The following PDE11A variants were observed in gnomAD, a reference collection of about 807,000 sequenced individuals.
PDE11A encodes dual 3',5'-cyclic-AMP and -GMP phosphodiesterase 11A.
Under a neutral mutation model 100.5 loss-of-function variants are expected in PDE11A, and 100 were observed. The observed-to-expected ratio is 1.00, with a 90% CI of 0.85 to 1.18. The LOEUF is 1.18. Ranked by LOEUF, PDE11A falls within the 50% of genes most tolerant of loss-of-function variation. The pLI, the probability that PDE11A is intolerant of heterozygous loss-of-function variation, is 0.00. For missense variants in PDE11A, 1,141 were observed against 1,152.6 expected, an observed-to-expected ratio of 0.99 and a Z score of 0.15; for synonymous variants, 381 against 420.8, an observed-to-expected ratio of 0.91 and a Z score of 1.16.
Position 177,742,839 on chromosome 2 carries a change from TC to T in PDE11A, c.1789-14668del, listed in dbSNP as rs1254422199. On this transcript the variant is annotated intron_variant, in intron 10 of 19. Coordinates refer to ENST00000286063, the MANE Select transcript of PDE11A (RefSeq NM_016953.4). The stretch of plus-strand genomic sequence containing the variant: ...TGAAGAAAAGCTCCATTTCCAAAGG[TC>T]AGTAGAGGTAATGGAGGTTCTGACT... Among the ~76,000 whole-genome samples, 6 of 152,084 alleles carry T rather than the reference TC, an allele frequency of 3.9e-5. No homozygotes were observed. The East Asian group carries it at 1.2e-3, about 29-fold the overall frequency.
intron 6 of PDE11A, among the ~76,000 whole-genome samples, chr2:177,828,930 GA>G (rs1214172315): frequency 7.9e-5 from 12 of 152,060 alleles, no homozygotes; most frequent in Admixed American, 7.2e-4. Flanking sequence ...AAAGAGTATA[GA>G]GGGGCAAAGT....
At chr2:177,654,506 G>T (rs2080352993) in intron 19 of PDE11A, among the ~76,000 whole-genome samples, 1 of 151,968 alleles carries the variant, frequency 6.6e-6, no homozygotes, top group South Asian at 2.1e-4. Flanking sequence ...GGGTAACAGT[G>T]AGACTCTGTC....
chr2:178,006,541 G>C (rs1247180288), intron 2 of PDE11A, among the ~76,000 whole-genome samples: 1 of 152,040 alleles, frequency 6.6e-6, no homozygotes, highest in Non-Finnish European at 1.5e-5. Flanking sequence ...TGGCAATATT[G>C]CTCCAATAGA....
intron 19 of PDE11A, among the ~76,000 whole-genome samples, chr2:177,656,402 T>G (rs1269753905): frequency 6.6e-6 from 1 of 152,228 alleles, no homozygotes; most frequent in African/African-American, 2.4e-5. Context: ...CAATATAGGT[T>G]TGTGTAAGTA....
intron 5 of PDE11A, among the ~76,000 whole-genome samples, chr2:177,873,600 G>C (rs370020026): frequency 1.3e-5 from 2 of 151,980 alleles, no homozygotes; most frequent in Non-Finnish European, 2.9e-5. Flanking sequence ...GACAAATACA[G>C]TTGTATAATC....
intron 12 of PDE11A, among the ~76,000 whole-genome samples, chr2:177,727,108 T>A (rs2081611043): frequency 6.6e-6 from 1 of 152,124 alleles, no homozygotes; most frequent in Non-Finnish European, 1.5e-5. Context: ...TGAAACAGAC[T>A]GGCCACCATC....
rs138015255 is a variant in PDE11A at position 177,837,114 on chromosome 2, C to T, written c.1500+3137G>A. 7.6e-3 allele frequency among the ~76,000 whole-genome samples: 1,156 copies of T among 152,158 alleles called. 16 individuals are homozygous for T. Among genetic ancestry groups the T allele is most frequent in the African/African-American group, 0.026 (1,064 of 41,494 alleles). ...TTGGCCTCTCCCTCCGTGTGCAAAC[C>T]GGTAAAAGGAATGGTAAGGATCACT... is the stretch of plus-strand genomic sequence containing the variant. On this transcript the variant is annotated intron_variant, in intron 6 of 19. Transcript: ENST00000286063.
At chr2:177,673,399 G>A (rs2080716314) in intron 17 of PDE11A, among the ~76,000 whole-genome samples, 1 of 152,148 alleles carries the variant, frequency 6.6e-6, no homozygotes, top group Non-Finnish European at 1.5e-5. Flanking sequence ...GAGAATCAGG[G>A]TCCCCTGCAT....
At chr2:177,812,617 C>T (rs1030061819) in intron 9 of PDE11A, among the ~76,000 whole-genome samples, 1 of 151,890 alleles carries the variant, frequency 6.6e-6, no homozygotes, top group African/African-American at 2.4e-5. Flanking sequence ...AGGGTGAGTC[C>T]CCTGAGAAAA....
intron 15 of PDE11A, among the ~76,000 whole-genome samples, chr2:177,685,819 G>A (rs562019375): frequency 8.5e-5 from 13 of 152,142 alleles, no homozygotes; most frequent in African/African-American, 1.4e-4. Context: ...CACCTGCCTC[G>A]GCCTCCCATA....
chr2:177,640,416 G>A (rs779779425), intron 19 of PDE11A, among the ~76,000 whole-genome samples: 4 of 152,220 alleles, frequency 2.6e-5, no homozygotes, highest in Non-Finnish European at 5.9e-5. Context: ...CAGCAGGAGG[G>A]ACAAGAGAAC....
chr2:177,643,237 T>C (rs761422307), intron 19 of PDE11A, among the ~76,000 whole-genome samples: 28 of 152,086 alleles, frequency 1.8e-4, no homozygotes, highest in African/African-American at 4.1e-4. Flanking sequence ...CAGAAGAAGA[T>C]AGGAAAATGT....
intron 15 of PDE11A, among the ~76,000 whole-genome samples, chr2:177,696,871 A>AACTTTGG (rs1276384603): frequency 1.3e-5 from 2 of 152,216 alleles, no homozygotes; most frequent in African/African-American, 2.4e-5. Context: ...GAAAGGCCTG[A>AACTTTGG]ACTTTGGTGA....
At chr2:177,970,399 C>T (rs371896702) in intron 2 of PDE11A, among the ~76,000 whole-genome samples, 3 of 152,104 alleles carry the variant, frequency 2.0e-5, no homozygotes, top group South Asian at 4.2e-4. Flanking sequence ...CATCGATAGA[C>T]TTTGACTATA....
intron 5 of PDE11A, among the ~76,000 whole-genome samples, chr2:177,841,551 T>C (rs895460422): frequency 2.6e-5 from 4 of 152,242 alleles, no homozygotes; most frequent in Non-Finnish European, 5.9e-5. Flanking sequence ...TGTAAAATTA[T>C]GCCATGTTGA....
intron 2 of PDE11A, among the ~76,000 whole-genome samples, chr2:178,098,387 C>T (rs1438118826): frequency 6.6e-6 from 1 of 152,134 alleles, no homozygotes; most frequent in African/African-American, 2.4e-5. Context: ...ACATTAAAAA[C>T]AACTGTGGTA....
chr2:177,754,607 A>C (rs901254270), intron 10 of PDE11A, among the ~76,000 whole-genome samples: 9 of 152,210 alleles, frequency 5.9e-5, no homozygotes, highest in African/African-American at 2.2e-4. Context: ...CTGACCTTCA[A>C]GTCCAAAAAT....
At chr2:177,779,115 A>G (rs537177705) in intron 9 of PDE11A, among the ~76,000 whole-genome samples, 1 of 152,204 alleles carries the variant, frequency 6.6e-6, no homozygotes, top group Non-Finnish European at 1.5e-5. Context: ...TTGGTTTCCC[A>G]GTGCATATAA....
At chr2:178,084,724 T>G (rs2217838) in intron 2 of PDE11A, among the ~76,000 whole-genome samples, 28,804 of 151,358 alleles carry the variant, frequency 0.19, 2,752 homozygotes, top group South Asian at 0.22. Context: ...CAAAAAGAAA[T>G]GCGTATACAT....
Sources: allele counts gnomAD v4.1 joint callset (sites outside exome capture counted in the v4.1 genomes callset), GRCh38; gene constraint gnomAD v4.1.1; transcripts MANE v1.5; gene names NCBI Gene and HGNC (gene_info 2026-07-23, HGNC 2026-07-21).